ZNF469: variants seen among roughly 807,000 people sequenced by gnomAD.
ZNF469 encodes zinc finger protein 469.
A neutral mutation model predicts 1.0 loss-of-function variants in ZNF469; 1 was observed. That is an observed-to-expected ratio of 1.00 (90% CI 0.35 to 4.73). ZNF469 has a LOEUF of 4.73. Ranked by LOEUF, ZNF469 falls within the 30% of genes most tolerant of loss-of-function variation. ZNF469 has a pLI of 0.16. For missense variants in ZNF469, 6,100 were observed against 5,356.3 expected, an observed-to-expected ratio of 1.14 and a Z score of -4.33; for synonymous variants, 2,703 against 2,363.4, an observed-to-expected ratio of 1.14 and a Z score of -4.17.
chr16:88,187,950 G>A, the ZNF469 span, among the ~76,000 whole-genome samples: 7 of 151,562 alleles, frequency 4.6e-5, no homozygotes, highest in African/African-American at 1.5e-4. Flanking sequence ...AAAAGCGGGT[G>A]GGCAGGGGCT....
chr16:88,438,040 C>T lies in ZNF469; in HGVS notation c.10570C>T (p.Pro3524Ser), dbSNP rs1351196425. ...GGCTCCCAGCACCACCAAGGGATGG[C>T]CCGAGACCCTAGAGAGGCCTGTAGA... ...EVAPSTTKGW[P>S]ETLERPVDPV... is the part of the protein sequence containing the mutation. The change falls in exon 3 of 3, where the codon CCC becomes TCC. Residue 3524 changes from proline (P) to serine (S), a missense_variant. Transcript: ENST00000565624. The T allele has an allele frequency of 2.6e-6, 4 of 1,550,204 alleles. No individual in the cohort carries two copies. The Admixed American group carries it at 7.8e-5, about 30-fold the overall frequency.
At chr16:88,344,536 C>T in the ZNF469 span, among the ~76,000 whole-genome samples, 1 of 152,328 alleles carries the variant, frequency 6.6e-6, no homozygotes, top group Non-Finnish European at 1.5e-5. Flanking sequence ...TCCCCATGGG[C>T]TTCTGGCAGG....
chr16:88,333,627 A>T, the ZNF469 span, among the ~76,000 whole-genome samples: 1 of 152,166 alleles, frequency 6.6e-6, no homozygotes, highest in African/African-American at 2.4e-5. Flanking sequence ...TCCAGCAAAG[A>T]TGCAAAGGTG....
At chr16:88,406,735 G>A (rs78126633) in intron 1 of ZNF469, among the ~76,000 whole-genome samples, 2,107 of 152,344 alleles carry the variant, frequency 0.014, 19 homozygotes, top group Middle Eastern at 0.024. Context: ...CTCTGTGTGT[G>A]TGCGCCTGGG....
At chr16:88,265,076 T>C in the ZNF469 span, among the ~76,000 whole-genome samples, 1 of 151,922 alleles carries the variant, frequency 6.6e-6, no homozygotes, top group African/African-American at 2.4e-5. Flanking sequence ...AGTTCAGGTT[T>C]CGGCAGCTGC....
the ZNF469 span, among the ~76,000 whole-genome samples, chr16:88,377,018 C>G: frequency 2.6e-5 from 4 of 152,260 alleles, no homozygotes; most frequent in Non-Finnish European, 2.9e-5. Context: ...CAGGCCCCAG[C>G]GCAGGCTGGC....
chr16:88,175,996 A>G, the ZNF469 span, among the ~76,000 whole-genome samples: 1 of 152,178 alleles, frequency 6.6e-6, no homozygotes, highest in African/African-American at 2.4e-5. Context: ...GCTCAGAAAC[A>G]CCAGGTGGCT....
chr16:88,108,234 C>CACGTCTGTGGGGATGT, the ZNF469 span, among the ~76,000 whole-genome samples: 1 of 97,508 alleles, frequency 1.0e-5, no homozygotes, highest in African/African-American at 4.3e-5. Context: ...TGTGGGGATG[C>CACGTCTGTGGGGATGT]GGGGAGGGGG....
At chr16:88,365,373 C>T in the ZNF469 span, among the ~76,000 whole-genome samples, 3 of 152,250 alleles carry the variant, frequency 2.0e-5, no homozygotes, top group South Asian at 2.1e-4. Flanking sequence ...CAGAGCTCTA[C>T]ATTCCTGGCT....
chr16:88,104,583 G>A, the ZNF469 span, among the ~76,000 whole-genome samples: 1 of 152,278 alleles, frequency 6.6e-6, no homozygotes, highest in Admixed American at 6.5e-5. Flanking sequence ...CACGCAACGC[G>A]TGGCCCTTTG....
At chr16:88,219,426 G>C in the ZNF469 span, among the ~76,000 whole-genome samples, 2,331 of 136,066 alleles carry the variant, frequency 0.017, 100 homozygotes, top group East Asian at 0.17. Context: ...CAGAGATATA[G>C]ATCAATGGAA....
chr16:88,284,635 A>G, the ZNF469 span, among the ~76,000 whole-genome samples: 1 of 145,726 alleles, frequency 6.9e-6, no homozygotes, highest in Non-Finnish European at 1.5e-5. Context: ...AAAAAAGAAC[A>G]GGCTCCTGTA....
rs1390975385 is a variant in ZNF469 at position 88,428,497 on chromosome 16, G to C, written c.1027G>C (p.Gly343Arg). The C allele has an allele frequency of 1.9e-6, 3 of 1,549,718 alleles. No individual in the cohort carries two copies. The East Asian group carries it at 7.3e-5, about 38-fold the overall frequency. Residue 343 changes from glycine (G) to arginine (R), a missense_variant, in exon 3 of 3, where the codon GGT becomes CGT. Transcript: ENST00000565624. The stretch of plus-strand genomic sequence containing the variant: ...CCTGCCCTGCTACCAGGGCCAGCCA[G>C]GTGGCCTGAACCGCCACAGCGACCT... The part of the protein sequence containing the change: ...SPLPCYQGQP[G>R]GLNRHSDLSG...
chr16:88,260,440 T>G, the ZNF469 span, among the ~76,000 whole-genome samples: 1 of 152,338 alleles, frequency 6.6e-6, no homozygotes, highest in Non-Finnish European at 1.5e-5. This position sits in a 1 kb window ranked among gnomAD's most constrained non-coding sequence, Gnocchi z 4.1. Context: ...CCGTCAGTCC[T>G]AAGCCTCGCT....
chr16:88,130,985 A>AG, the ZNF469 span, among the ~76,000 whole-genome samples: 2 of 152,130 alleles, frequency 1.3e-5, no homozygotes, highest in African/African-American at 2.4e-5. Flanking sequence ...CGGGGGTGCG[A>AG]GGGGCGTGTG....
At chr16:88,223,662 C>A in the ZNF469 span, among the ~76,000 whole-genome samples, 1 of 152,182 alleles carries the variant, frequency 6.6e-6, no homozygotes, top group African/African-American at 2.4e-5. Flanking sequence ...CGTGGGGCGT[C>A]CCTGTTTGCT....
At chr16:88,298,281 T>C in the ZNF469 span, among the ~76,000 whole-genome samples, 3 of 152,136 alleles carry the variant, frequency 2.0e-5, no homozygotes, top group African/African-American at 7.2e-5. Context: ...GGTCAGGGCT[T>C]CCCGGACCAA....
chr16:88,384,038 G>A lies in ZNF469; in HGVS notation c.-192+784G>A, dbSNP rs375465326. Among the ~76,000 whole-genome samples, 53 of 152,226 alleles carry A rather than the reference G, an allele frequency of 3.5e-4. 1 individual carries two copies. The East Asian group carries it at 0.01, about 29-fold the overall frequency. ...AGAGGGACAGGTCCCCGGCGGGGGC[G>A]GGGGGGCAGCTCAGCTGCCAAGTCC... is the stretch of plus-strand genomic sequence containing the variant. On this transcript the variant is annotated intron_variant, in intron 1 of 2. Coordinates refer to ENST00000565624, the MANE Select transcript of ZNF469 (RefSeq NM_001367624.2).
At chr16:88,142,069 G>A in the ZNF469 span, among the ~76,000 whole-genome samples, 23 of 152,370 alleles carry the variant, frequency 1.5e-4, no homozygotes, top group Admixed American at 1.4e-3. Context: ...CAGATGATAG[G>A]AAATAGTCCA....
Sources: gnomAD v4.1 joint callset for allele counts (sites outside exome capture counted in the v4.1 genomes callset) on GRCh38, gnomAD v4.1.1 for gene constraint, Gnocchi (gnomAD v3.1) non-coding constraint, MANE v1.5 for transcripts, NCBI Gene and HGNC (gene_info 2026-07-23, HGNC 2026-07-21) for gene names.